Variants in ORC3 observed in about 807,000 individuals in gnomAD.
ORC3 encodes origin recognition complex subunit 3.
Under a neutral mutation model 100.7 loss-of-function variants are expected in ORC3, and 78 were observed. That is an observed-to-expected ratio of 0.77 (90% confidence interval 0.65 to 0.94). ORC3 has a LOEUF of 0.94. Among genes scored for constraint, ORC3 ranks in the 40% least tolerant of loss-of-function variants. ORC3 has a pLI of 0.00. For synonymous variants in ORC3, 295 were observed against 289.3 expected, an observed-to-expected ratio of 1.02 and a Z score of -0.20; for missense variants, 789 against 823.9, an observed-to-expected ratio of 0.96 and a Z score of 0.52.
intron 13 of ORC3, among the ~76,000 whole-genome samples, chr6:87,644,253 C>T (rs1013654998): frequency 1.0e-4 from 15 of 150,300 alleles, no homozygotes; most frequent in African/African-American, 3.7e-4. Flanking sequence ...CCACTACGCC[C>T]GGCTAATTTT....
At chr6:87,635,705 G>A (rs1187496392) in intron 12 of ORC3, among the ~76,000 whole-genome samples, 1 of 151,942 alleles carries the variant, frequency 6.6e-6, no homozygotes, top group Non-Finnish European at 1.5e-5. Flanking sequence ...GCTGAGGCAG[G>A]AGGATGGCTT....
At chr6:87,595,317 A>G (rs1364266424) in intron 2 of ORC3, 1 of 152,242 alleles carries the variant, frequency 6.6e-6, no homozygotes, top group Non-Finnish European at 1.5e-5. Context: ...TAAAATGAGC[A>G]ACTATACTCA....
chr6:87,677,002 G>A, the ORC3 span, among the ~76,000 whole-genome samples: 5 of 151,124 alleles, frequency 3.3e-5, no homozygotes, highest in African/African-American at 7.3e-5. Context: ...GCGTGAACCC[G>A]GAAAGTAGAG....
intron 16 of ORC3, among the ~76,000 whole-genome samples, chr6:87,661,125 C>T (rs1383016362): frequency 1.3e-5 from 2 of 152,142 alleles, no homozygotes; most frequent in Non-Finnish European, 2.9e-5. Context: ...GTTAGATATC[C>T]AATCCTTATT....
chr6:87,619,509 T>G (rs990421652), intron 9 of ORC3, among the ~76,000 whole-genome samples: 4 of 152,170 alleles, frequency 2.6e-5, no homozygotes, highest in Admixed American at 2.0e-4. Flanking sequence ...CGATTTCAAG[T>G]GCTTCTCCTG....
At chr6:87,642,121 C>G (rs1052392216) in intron 13 of ORC3, among the ~76,000 whole-genome samples, 1 of 152,076 alleles carries the variant, frequency 6.6e-6, no homozygotes, top group South Asian at 2.1e-4. Context: ...CATGGAGAAA[C>G]CCCATCTCTA....
intron 7 of ORC3, chr6:87,609,430 T>G: frequency 2.2e-6 from 1 of 457,912 alleles, no homozygotes; most frequent in Non-Finnish European, 3.8e-6. Context: ...CAAAGGCACA[T>G]TTAGCCAGTT....
Position 87,605,987 on chromosome 6 carries a change from A to G in ORC3, c.393A>G (p.Pro131=), listed in dbSNP as rs1778310591. 3 of 1,604,322 alleles carry G rather than the reference A, an allele frequency of 1.9e-6. No homozygotes were observed. The highest frequency in any genetic ancestry group is 3.3e-5 in the Admixed American group (2 of 59,702). Residue 131 remains proline (P), a synonymous_variant, in exon 5 of 20, where the codon CCA becomes CCG. Coordinates refer to ENST00000392844, the MANE Select transcript of ORC3 (RefSeq NM_012381.4). ...LTEALQNNVT[P]YVVSLQAKDC... ...AGGCCCTTCAGAATAATGTCACACC[A>G]TATGTAGTCTCATTGCAAGCTAAAG...
At chr6:87,596,022 G>A (rs1750134302) in intron 2 of ORC3, among the ~76,000 whole-genome samples, 1 of 150,572 alleles carries the variant, frequency 6.6e-6, no homozygotes, top group Non-Finnish European at 1.5e-5. Context: ...AAAATTTTTT[G>A]TAGAGACAGG....
intron 16 of ORC3, among the ~76,000 whole-genome samples, chr6:87,661,602 A>C (rs1252575350): frequency 6.6e-6 from 1 of 152,136 alleles, no homozygotes; most frequent in East Asian, 1.9e-4. Flanking sequence ...TCCTCTCCAG[A>C]AGAAGAGAAA....
intron 2 of ORC3, 112 bp from the exon 3 acceptor site, chr6:87,601,671 CA>C (rs371875532): frequency 0.11 from 51,770 of 482,370 alleles, no homozygotes; most frequent in South Asian, 0.16. Context: ...GACTCCATAT[CA>C]AAAAAAAAAA....
intron 13 of ORC3, among the ~76,000 whole-genome samples, chr6:87,641,527 G>A (rs978583185): frequency 6.6e-6 from 1 of 152,132 alleles, no homozygotes; most frequent in African/African-American, 2.4e-5. Context: ...TAGTCATATT[G>A]GCACAGGACA....
chr6:87,614,082 C>T (rs1778979212), intron 8 of ORC3, among the ~76,000 whole-genome samples: 1 of 152,190 alleles, frequency 6.6e-6, no homozygotes, highest in African/African-American at 2.4e-5. Flanking sequence ...GAGGACCCTG[C>T]CCCTACAGCA....
At chr6:87,639,825 CAAA>C (rs548788316) in intron 13 of ORC3, among the ~76,000 whole-genome samples, 1 of 58,762 alleles carries the variant, frequency 1.7e-5, no homozygotes, top group Admixed American at 2.0e-4. Flanking sequence ...GCCAAAAATA[CAAA>C]AAAAAAAAAA....
chr6:87,642,881 G>A (rs979225447), intron 13 of ORC3, among the ~76,000 whole-genome samples: 3 of 151,474 alleles, frequency 2.0e-5, no homozygotes, highest in African/African-American at 7.3e-5. Context: ...CAGCCTGGGC[G>A]ACAGAGCAAA....
chr6:87,636,670 G>A (rs956274931), intron 13 of ORC3, among the ~76,000 whole-genome samples, 184 bp downstream of exon 13: 10 of 152,256 alleles, frequency 6.6e-5, no homozygotes, highest in South Asian at 6.2e-4. Flanking sequence ...GCAACTATCC[G>A]TTTCTTTGCT....
chr6:87,652,301 G>T (rs1374417456), intron 13 of ORC3, among the ~76,000 whole-genome samples: 1 of 152,084 alleles, frequency 6.6e-6, no homozygotes, highest in Non-Finnish European at 1.5e-5. Context: ...CCTAATATTG[G>T]TCTGATTCCT....
intron 13 of ORC3, among the ~76,000 whole-genome samples, chr6:87,643,833 G>T (rs958974516): frequency 6.6e-6 from 1 of 152,056 alleles, no homozygotes; most frequent in Non-Finnish European, 1.5e-5. Flanking sequence ...ATATGAAATG[G>T]TATATAGTGT....
At chr6:87,603,306 A>T (rs747370482) in intron 3 of ORC3, 78 bp from the exon 4 acceptor site, 2 of 743,378 alleles carry the variant, frequency 2.7e-6, no homozygotes, top group Non-Finnish European at 4.0e-6. Context: ...TGAATCCATG[A>T]CAATTTTCTT....
Sources: gnomAD v4.1 joint callset for allele counts (sites outside exome capture counted in the v4.1 genomes callset) on GRCh38, gnomAD v4.1.1 for gene constraint, MANE v1.5 for transcripts, NCBI Gene and HGNC (gene_info 2026-07-23, HGNC 2026-07-21) for gene names.